The following TRAPPC9 variants were observed in gnomAD, a reference collection of about 807,000 sequenced individuals.
TRAPPC9 encodes the protein IKK2 binding protein.
A neutral mutation model predicts 124.0 loss-of-function variants in TRAPPC9; 83 were observed. The observed-to-expected ratio is 0.67, with a 90% confidence interval of 0.56 to 0.80. TRAPPC9 has a LOEUF of 0.80. TRAPPC9 is among the 30% of genes least tolerant of loss of function. The probability of loss-of-function intolerance (pLI) is 0.00; values close to 1 mark genes in which losing one functional copy is unlikely to be tolerated. For missense variants in TRAPPC9, 1,302 were observed against 1,508.3 expected, an observed-to-expected ratio of 0.86 and a Z score of 2.27; for synonymous variants, 638 against 617.5, an observed-to-expected ratio of 1.03 and a Z score of -0.49.
chr8:140,160,520 T>C (rs1230124427), intron 17 of TRAPPC9, among the ~76,000 whole-genome samples: 2 of 152,004 alleles, frequency 1.3e-5, no homozygotes, highest in African/African-American at 2.4e-5. Context: ...CTGGAAACCA[T>C]CATTCTCAGC....
At chr8:139,996,259 C>T (rs1837989076) in intron 18 of TRAPPC9, among the ~76,000 whole-genome samples, 1 of 142,392 alleles carries the variant, frequency 7.0e-6, no homozygotes, top group South Asian at 2.3e-4. Flanking sequence ...GACATAAAAT[C>T]AGAAAGAATA....
chr8:139,886,020 G>T (rs780364148), intron 20 of TRAPPC9, 51 bp from the exon 21 acceptor site: 55 of 1,511,286 alleles, frequency 3.6e-5, no homozygotes, highest in Non-Finnish European at 5.0e-5. Context: ...AGGGACAGAA[G>T]AACGTCTAGA....
intron 11 of TRAPPC9, among the ~76,000 whole-genome samples, chr8:140,292,710 T>C (rs975604391): frequency 6.6e-6 from 1 of 150,952 alleles, no homozygotes; most frequent in African/African-American, 2.4e-5. Context: ...ATACAAAAAT[T>C]AATTCAAGAT....
intron 17 of TRAPPC9, among the ~76,000 whole-genome samples, chr8:140,188,064 A>G (rs2062391641): frequency 6.6e-6 from 1 of 152,196 alleles, no homozygotes; most frequent in Non-Finnish European, 1.5e-5. Flanking sequence ...CCCACAAAAT[A>G]TCCAGGAGCA....
At chr8:139,890,043 C>T (rs1386454751) in intron 20 of TRAPPC9, among the ~76,000 whole-genome samples, 1 of 152,246 alleles carries the variant, frequency 6.6e-6, no homozygotes, top group South Asian at 2.1e-4. Flanking sequence ...GGACGGAGGC[C>T]GCCGCCCCGG....
intron 17 of TRAPPC9, among the ~76,000 whole-genome samples, chr8:140,172,472 C>G (rs531205655): frequency 8.5e-4 from 70 of 82,276 alleles, no homozygotes; most frequent in Non-Finnish European, 1.1e-3. Flanking sequence ...TAAACTACCT[C>G]TGGGCAATGG....
chr8:139,966,457 C>T (rs1021815691), intron 19 of TRAPPC9, among the ~76,000 whole-genome samples: 4 of 152,218 alleles, frequency 2.6e-5, no homozygotes, highest in East Asian at 1.9e-4. Flanking sequence ...CGGTGGGGCT[C>T]CTGCAGGGAG....
rs1588283726 is a variant in TRAPPC9 at position 140,399,372 on chromosome 8, ACACT to A, written c.1009-1631_1009-1628del. ...CACTGTGCACTTAGAAAAGCCACAG[ACACT>A]CAATGCCAGCCCATGAAAGCAGCCA... is the stretch of plus-strand genomic sequence containing the variant. On this transcript the variant is annotated intron_variant, in intron 6 of 22. Coordinates refer to ENST00000438773, the MANE Select transcript of TRAPPC9 (RefSeq NM_001160372.4). 2.6e-5 allele frequency among the ~76,000 whole-genome samples: 4 copies of A among 152,352 alleles called. No individual in the cohort carries two copies. The East Asian group carries it at 7.7e-4, about 29-fold the overall frequency.
At chr8:140,329,930 A>T (rs2066852237) in intron 9 of TRAPPC9, among the ~76,000 whole-genome samples, 1 of 152,006 alleles carries the variant, frequency 6.6e-6, no homozygotes, top group South Asian at 2.1e-4. Context: ...AAATACAAAA[A>T]TTACCCAGGT....
intron 17 of TRAPPC9, among the ~76,000 whole-genome samples, chr8:140,072,097 T>G (rs531285533): frequency 6.6e-6 from 1 of 152,344 alleles, no homozygotes; most frequent in South Asian, 2.1e-4. Flanking sequence ...GGGGACATTT[T>G]TTTAAGGTGA....
intron 19 of TRAPPC9, among the ~76,000 whole-genome samples, chr8:139,972,687 GT>G (rs1836179837): frequency 6.6e-6 from 1 of 152,230 alleles, no homozygotes; most frequent in Non-Finnish European, 1.5e-5. Flanking sequence ...GCCAAAGTAT[GT>G]TTTATCTGTA....
At chr8:139,779,928 A>G (rs1407122203) in intron 21 of TRAPPC9, among the ~76,000 whole-genome samples, 5 of 152,200 alleles carry the variant, frequency 3.3e-5, no homozygotes. Flanking sequence ...TAGCATCCCC[A>G]AAATGAAATA....
intron 19 of TRAPPC9, among the ~76,000 whole-genome samples, chr8:139,924,925 G>A (rs1832717250): frequency 6.6e-6 from 1 of 152,198 alleles, no homozygotes; most frequent in Non-Finnish European, 1.5e-5. Flanking sequence ...TGACTTTCAT[G>A]AGCAGGGGGG....
chr8:140,458,536 G>T (rs1311090510), upstream of TRAPPC9: 1 of 1,582,088 alleles, frequency 6.3e-7, no homozygotes. Flanking sequence ...CCTGTGTGGC[G>T]CGCGGTCTTG....
At chr8:139,922,544 G>T (rs1159876680) in intron 19 of TRAPPC9, among the ~76,000 whole-genome samples, 1 of 152,216 alleles carries the variant, frequency 6.6e-6, no homozygotes, top group Admixed American at 6.5e-5. Flanking sequence ...TGAAGTGACT[G>T]CCAGGAGTCA....
chr8:139,816,018 G>T lies in TRAPPC9; in HGVS notation c.3055+69861C>A, dbSNP rs140416337. 2.2e-4 allele frequency among the ~76,000 whole-genome samples: 34 copies of T among 152,342 alleles called. No homozygotes were observed. The South Asian group carries it at 2.3e-3, about 10-fold the overall frequency. On this transcript the variant is annotated intron_variant, in intron 21 of 22. Transcript: ENST00000438773. ...CTGGGGACCGGGCGGGTGGATTCCC[G>T]AGCCTGGATAAAACTGGCTTAACCA...
chr8:139,731,864 CCTG>C, intron 22 of TRAPPC9, 112 bp downstream of exon 22: 1 of 977,430 alleles, frequency 1.0e-6, no homozygotes. Flanking sequence ...CCACAGAACC[CCTG>C]CTGCTATCGT....
intron 5 of TRAPPC9, among the ~76,000 whole-genome samples, chr8:140,408,802 GAA>G (rs34569283): frequency 1.1e-3 from 138 of 125,416 alleles, no homozygotes; most frequent in East Asian, 4.2e-3. Flanking sequence ...TGGCCATTTG[GAA>G]AAAAAAAAAA....
intron 10 of TRAPPC9, among the ~76,000 whole-genome samples, chr8:140,307,767 T>C (rs1482363742): frequency 6.6e-6 from 1 of 152,234 alleles, no homozygotes; most frequent in Non-Finnish European, 1.5e-5. Context: ...TGCTTCCCTA[T>C]TAAGCAAAAG....
Sources: allele counts gnomAD v4.1 joint callset (sites outside exome capture counted in the v4.1 genomes callset), GRCh38; gene constraint gnomAD v4.1.1; transcripts MANE v1.5; gene names NCBI Gene and HGNC (gene_info 2026-07-23, HGNC 2026-07-21).